The following ITPR2 variants were observed in gnomAD, a reference collection of about 807,000 sequenced individuals.
The protein encoded by ITPR2 is inositol 1,4,5-trisphosphate receptor type 2, also known as inositol 1,4,5-trisphosphate-gated calcium channel ITPR2.
In ITPR2, 207 loss-of-function variants were observed where a neutral mutation model predicts 317.1. The ratio of observed to expected loss-of-function variants is 0.65; its 90% CI spans 0.58 to 0.73. The LOEUF is 0.73. ITPR2 is among the 30% of genes least tolerant of loss of function. The probability of loss-of-function intolerance (pLI) is 0.00; values close to 1 mark genes in which losing one functional copy is unlikely to be tolerated. For synonymous variants in ITPR2, 1,156 were observed against 1,149.1 expected, an observed-to-expected ratio of 1.01 and a Z score of -0.12; for missense variants, 2,613 against 3,284.0, an observed-to-expected ratio of 0.80 and a Z score of 4.99.
intron 31 of ITPR2, among the ~76,000 whole-genome samples, 190 bp downstream of exon 31, chr12:26,596,681 CAGAACTTCTTAT>C (rs1466464524): frequency 5.9e-4 from 89 of 150,806 alleles, no homozygotes; most frequent in Non-Finnish European, 8.0e-4. Flanking sequence ...TATCATCTTG[CAGAACTTCTTAT>C]AGAACTTCTT....
At chr12:26,807,418 T>C (rs117492568) in intron 1 of ITPR2, among the ~76,000 whole-genome samples, 93 of 152,320 alleles carry the variant, frequency 6.1e-4, no homozygotes, top group Admixed American at 2.1e-3. Context: ...ATTCTACTTA[T>C]GAACCCAGCC....
chr12:26,526,437 G>T (rs1158185015), intron 37 of ITPR2, among the ~76,000 whole-genome samples: 1 of 152,178 alleles, frequency 6.6e-6, no homozygotes, highest in African/African-American at 2.4e-5. Flanking sequence ...GAACAGAAAG[G>T]ACACCACTGT....
At chr12:26,581,133 AT>A (rs1945394126) in intron 32 of ITPR2, among the ~76,000 whole-genome samples, 1 of 152,140 alleles carries the variant, frequency 6.6e-6, no homozygotes, top group African/African-American at 2.4e-5. Flanking sequence ...ATTTTTAAAA[AT>A]TTTCAATAAG....
At chr12:26,588,711 C>T (rs139021992) in intron 32 of ITPR2, among the ~76,000 whole-genome samples, 1,684 of 151,998 alleles carry the variant, frequency 0.011, 14 homozygotes, top group Non-Finnish European at 0.017. Context: ...ATAATAAAAC[C>T]AATTATATCA....
At position 26,475,434 on chromosome 12, in the gene ITPR2, A is replaced by AG. The variant is rs775427981; in HGVS notation, c.6220-17_6220-16insC. On this transcript the variant is annotated splice_polypyrimidine_tract_variant and intron_variant, in intron 44 of 56. Coordinates refer to ENST00000381340, the MANE Select transcript of ITPR2 (RefSeq NM_002223.4). ...TCACATCCACCTATCCAAAAAAAAA[A>AG]AGAATATTGAAATGCCAGAAACAAC... 5 of 1,598,974 alleles carry AG rather than the reference A, an allele frequency of 3.1e-6. No individual in the cohort carries two copies. The highest frequency in any genetic ancestry group is 4.3e-6 in the Non-Finnish European group (5 of 1,175,950).
chr12:26,821,154 A>G (rs936514795), intron 1 of ITPR2, among the ~76,000 whole-genome samples: 3 of 152,150 alleles, frequency 2.0e-5, no homozygotes, highest in Admixed American at 2.0e-4. Context: ...TTTTATCGCA[A>G]TTTACTTTAA....
intron 55 of ITPR2, among the ~76,000 whole-genome samples, chr12:26,345,636 C>T (rs1484920732): frequency 6.6e-6 from 1 of 152,164 alleles, no homozygotes; most frequent in Non-Finnish European, 1.5e-5. Flanking sequence ...AATATAGCAG[C>T]ATTCTTACAC....
chr12:26,506,211 TA>T (rs11355140), intron 37 of ITPR2, among the ~76,000 whole-genome samples: 79,264 of 148,106 alleles, frequency 0.54, 21,617 homozygotes, highest in South Asian at 0.65. Flanking sequence ...TCTACCAAAT[TA>T]AAAAAAAAAA....
chr12:26,564,996 T>C (rs751644161), intron 34 of ITPR2, among the ~76,000 whole-genome samples: 5 of 152,200 alleles, frequency 3.3e-5, no homozygotes, highest in Admixed American at 1.3e-4. Flanking sequence ...ATCAGACTTA[T>C]CATCATCAGC....
At chr12:26,655,104 A>G (rs1055497360) in intron 20 of ITPR2, among the ~76,000 whole-genome samples, 2 of 152,362 alleles carry the variant, frequency 1.3e-5, no homozygotes, top group East Asian at 1.9e-4. Flanking sequence ...CCCAAACTGA[A>G]AGTATTTCAA....
intron 47 of ITPR2, among the ~76,000 whole-genome samples, chr12:26,436,857 A>G (rs1941364636): frequency 6.6e-6 from 1 of 152,238 alleles, no homozygotes; most frequent in Non-Finnish European, 1.5e-5. Context: ...TAATCATGTG[A>G]CATAGTATTC....
In ITPR2 at chr12:26,512,821, A is replaced by ATT. The variant is rs371730693; in HGVS notation, c.5074-17563_5074-17562dup. ...TCTCAACGGACAGGGAAGGGAAACAATTTTTTTTTTTTTTTTTTTGAGACA... is the reference window on the plus strand; with the variant it reads ...TCTCAACGGACAGGGAAGGGAAACAATTTTTTTTTTTTTTTTTTTTTGAGACA... On this transcript the variant is annotated intron_variant, in intron 37 of 56. Transcript: ENST00000381340. 4.8e-3 allele frequency among the ~76,000 whole-genome samples: 648 copies of ATT among 135,410 alleles called. 4 individuals carry two copies. The highest frequency in any genetic ancestry group is 0.015 in the African/African-American group (554 of 36,524). 88.8% of individuals were successfully genotyped at this position (135,410 alleles called of 152,430 possible). A position where few individuals can be genotyped will look rare whatever the true frequency, so the allele number is the denominator to read the frequency against.
At chr12:26,814,285 G>A (rs1950810791) in intron 1 of ITPR2, among the ~76,000 whole-genome samples, 1 of 152,038 alleles carries the variant, frequency 6.6e-6, no homozygotes, top group Non-Finnish European at 1.5e-5. Flanking sequence ...TAATCACAAG[G>A]TTCTCTTTTG....
intron 45 of ITPR2, among the ~76,000 whole-genome samples, chr12:26,473,237 A>G (rs187569747): frequency 1.3e-4 from 20 of 152,298 alleles, no homozygotes; most frequent in Admixed American, 1.1e-3. Flanking sequence ...GTTACCTAAC[A>G]TAAGTCTTTT....
chr12:26,811,242 C>G (rs1023308288), intron 1 of ITPR2, among the ~76,000 whole-genome samples: 7 of 152,104 alleles, frequency 4.6e-5, no homozygotes, highest in African/African-American at 1.7e-4. Context: ...CAAGAAAATA[C>G]CCGGATATGA....
At chr12:26,596,255 T>C (rs1016377828) in intron 31 of ITPR2, among the ~76,000 whole-genome samples, 1 of 152,238 alleles carries the variant, frequency 6.6e-6, no homozygotes, top group African/African-American at 2.4e-5. Context: ...ATACTAAAGT[T>C]TCAAGTAAAC....
At chr12:26,757,733 T>G (rs967252457) in intron 2 of ITPR2, among the ~76,000 whole-genome samples, 1 of 152,230 alleles carries the variant, frequency 6.6e-6, no homozygotes, top group African/African-American at 2.4e-5. Context: ...TCTCACACTT[T>G]GCATGACTTT....
At chr12:26,480,459 C>A (rs1019755650) in intron 43 of ITPR2, among the ~76,000 whole-genome samples, 20 of 152,064 alleles carry the variant, frequency 1.3e-4, no homozygotes, top group African/African-American at 4.8e-4. Flanking sequence ...TTGTCTAATT[C>A]CTTGTGTCTT....
chr12:26,424,437 G>A (rs1940984132), intron 49 of ITPR2, among the ~76,000 whole-genome samples: 1 of 152,078 alleles, frequency 6.6e-6, no homozygotes. Flanking sequence ...ACTTTTAAGT[G>A]TAAATTAAGT....
Sources: gnomAD v4.1 joint callset for allele counts (sites outside exome capture counted in the v4.1 genomes callset) on GRCh38, gnomAD v4.1.1 for gene constraint, MANE v1.5 for transcripts, NCBI Gene and HGNC (gene_info 2026-07-23, HGNC 2026-07-21) for gene names.